Variants in ATP8A2 observed in about 807,000 individuals in gnomAD.
The protein encoded by ATP8A2 is phospholipid-transporting ATPase IB.
ATP8A2 carries 100 observed loss-of-function variants against 165.6 expected under a neutral mutation model. The observed-to-expected ratio is 0.60, with a 90% CI of 0.51 to 0.71. The LOEUF (loss-of-function observed/expected upper bound fraction) is 0.71. Ranked by LOEUF, ATP8A2 falls within the 30% of genes least tolerant of loss-of-function variation. The pLI is 0.00. For synonymous variants in ATP8A2, 543 were observed against 548.8 expected, an observed-to-expected ratio of 0.99 and a Z score of 0.15; for missense variants, 1,227 against 1,479.5, an observed-to-expected ratio of 0.83 and a Z score of 2.80.
At chr13:25,507,564 C>T (rs1390610915) in intron 2 of ATP8A2, among the ~76,000 whole-genome samples, 1 of 151,866 alleles carries the variant, frequency 6.6e-6, no homozygotes, top group East Asian at 1.9e-4. Flanking sequence ...CTGTGCCTGG[C>T]TGTGCTGGTA....
At chr13:25,975,938 C>T (rs1449146202) in intron 35 of ATP8A2, among the ~76,000 whole-genome samples, 1 of 152,200 alleles carries the variant, frequency 6.6e-6, no homozygotes, top group Non-Finnish European at 1.5e-5. Flanking sequence ...ATCAGTCAAA[C>T]AACCCGTCCA....
At chr13:25,902,224 G>A (rs1000575) in intron 33 of ATP8A2, among the ~76,000 whole-genome samples, 12,161 of 152,198 alleles carry the variant, frequency 0.08, 1,271 homozygotes, top group African/African-American at 0.23. Flanking sequence ...ATGCAATTCC[G>A]GTCAGAAGAC....
At chr13:25,515,773 A>G (rs1202775297) in intron 2 of ATP8A2, among the ~76,000 whole-genome samples, 2 of 152,302 alleles carry the variant, frequency 1.3e-5, no homozygotes, top group African/African-American at 4.8e-5. Context: ...CTGCTGTTAG[A>G]ATCCTGCACA....
chr13:25,446,897 C>G (rs2035084230), intron 1 of ATP8A2, among the ~76,000 whole-genome samples: 1 of 152,076 alleles, frequency 6.6e-6, no homozygotes, highest in African/African-American at 2.4e-5. Context: ...GCTCTGTCAT[C>G]CAGGCTGGAG....
At chr13:25,543,640 A>G (rs1480834489) in intron 10 of ATP8A2, among the ~76,000 whole-genome samples, 3 of 152,162 alleles carry the variant, frequency 2.0e-5, no homozygotes, top group Non-Finnish European at 4.4e-5. Flanking sequence ...GATTAGGGGA[A>G]CAATCAATTC....
chr13:25,806,149 G>C (rs1950733836), intron 27 of ATP8A2, among the ~76,000 whole-genome samples: 1 of 152,116 alleles, frequency 6.6e-6, no homozygotes, highest in East Asian at 1.9e-4. Flanking sequence ...GAAAAGATTT[G>C]TTCACAGGGG....
intron 23 of ATP8A2, among the ~76,000 whole-genome samples, chr13:25,589,324 GA>G (rs959505307): frequency 2.3e-4 from 35 of 152,262 alleles, no homozygotes; most frequent in African/African-American, 8.2e-4. Flanking sequence ...CTGCCTTCCT[GA>G]AGTGTTCACT....
intron 27 of ATP8A2, among the ~76,000 whole-genome samples, chr13:25,791,510 C>T (rs529804400): frequency 2.0e-5 from 3 of 148,702 alleles, no homozygotes; most frequent in African/African-American, 7.5e-5. Context: ...CAAACCTGCA[C>T]ATGTATCCCC....
intron 15 of ATP8A2, among the ~76,000 whole-genome samples, chr13:25,561,234 T>G (rs2039144449): frequency 6.6e-6 from 1 of 152,098 alleles, no homozygotes; most frequent in African/African-American, 2.4e-5. Context: ...TTCTCAGAAG[T>G]GTCTTTGTAT....
At chr13:25,442,967 T>A (rs968685787) in intron 1 of ATP8A2, among the ~76,000 whole-genome samples, 1 of 152,204 alleles carries the variant, frequency 6.6e-6, no homozygotes, top group Non-Finnish European at 1.5e-5. Flanking sequence ...GATGTGGGAT[T>A]TGCAAATATT....
chr13:25,642,172 A>G (rs2041542835), intron 24 of ATP8A2, among the ~76,000 whole-genome samples: 1 of 152,198 alleles, frequency 6.6e-6, no homozygotes, highest in South Asian at 2.1e-4. Context: ...AGGCAATACC[A>G]TTCAGGACAT....
intron 1 of ATP8A2, among the ~76,000 whole-genome samples, chr13:25,419,742 G>A (rs1248558962): frequency 6.6e-6 from 1 of 152,106 alleles, no homozygotes; most frequent in Non-Finnish European, 1.5e-5. Flanking sequence ...ATATCAAATT[G>A]GAAATATAAG....
At chr13:25,472,455 A>G (rs9578863) in intron 2 of ATP8A2, among the ~76,000 whole-genome samples, 12,858 of 151,960 alleles carry the variant, frequency 0.085, 876 homozygotes, top group African/African-American at 0.18. Context: ...GGATTTGAGA[A>G]AACGTCGAGC....
At chr13:25,510,606 T>C (rs996758457) in intron 2 of ATP8A2, among the ~76,000 whole-genome samples, 2 of 152,190 alleles carry the variant, frequency 1.3e-5, no homozygotes, top group African/African-American at 2.4e-5. Context: ...TAGACTCTTA[T>C]GGGGCAGATG....
intron 34 of ATP8A2, among the ~76,000 whole-genome samples, chr13:25,963,785 T>C (rs141779513): frequency 6.6e-6 from 1 of 152,238 alleles, no homozygotes; most frequent in East Asian, 1.9e-4. Flanking sequence ...CTGGCTCTTT[T>C]CCAGTGCGTT....
rs137950433 is a variant in ATP8A2, at chr13:25,642,532, A to G, written c.2211+52833A>G. ...ACTGGCCATCAGAGAAATGCAAATC[A>G]AAACAATGAGATACCATCTCACACC... is the stretch of plus-strand genomic sequence containing the variant. On this transcript the variant is annotated intron_variant, in intron 24 of 36. Transcript: ENST00000381655. 3.7e-3 allele frequency among the ~76,000 whole-genome samples: 558 copies of G among 152,360 alleles called. 5 individuals carry two copies. The highest frequency in any genetic ancestry group is 3.4e-3 in the Non-Finnish European group (234 of 68,022).
Position 25,564,073 on chromosome 13 carries a change from G to T in ATP8A2, c.1473+42G>T, listed in dbSNP as rs369299305. 7 of 1,423,566 alleles carry T rather than the reference G, an allele frequency of 4.9e-6. No individual in the cohort carries two copies. The East Asian group carries it at 1.6e-4, about 32-fold the overall frequency. The allele number at this position is 1,423,566 out of a possible 1,614,324, so 88.2% of individuals were successfully genotyped here. On this transcript the variant is annotated intron_variant, in intron 16 of 36. Coordinates refer to ENST00000381655, the MANE Select transcript of ATP8A2 (RefSeq NM_016529.6). ...ACTTCGAAGACAGCAAACAGCTTAC[G>T]GTGCAACTTTCTTTTATATATGCAT...
chr13:25,398,631 A>G (rs1924776), intron 1 of ATP8A2, among the ~76,000 whole-genome samples: 127,119 of 152,196 alleles, frequency 0.84, 53,255 homozygotes, highest in Middle Eastern at 0.9. Flanking sequence ...GTTAATAAAC[A>G]TTGTTGACTA....
At chr13:25,796,780 T>C (rs1319464894) in intron 27 of ATP8A2, among the ~76,000 whole-genome samples, 1 of 152,216 alleles carries the variant, frequency 6.6e-6, no homozygotes, top group Non-Finnish European at 1.5e-5. Context: ...ATATGGACAT[T>C]GTAGCCAAGA....
Sources: allele counts gnomAD v4.1 joint callset (sites outside exome capture counted in the v4.1 genomes callset), GRCh38; gene constraint gnomAD v4.1.1; transcripts MANE v1.5; gene names NCBI Gene and HGNC (gene_info 2026-07-23, HGNC 2026-07-21).